The following RARB variants were observed in gnomAD, a reference collection of about 807,000 sequenced individuals.
RARB encodes the protein retinoic acid receptor beta.
Under a neutral mutation model 51.9 loss-of-function variants are expected in RARB, and 17 were observed. The observed-to-expected ratio is 0.33, with a 90% confidence interval of 0.22 to 0.49. The LOEUF is 0.49. RARB is among the 20% of genes least tolerant of loss of function. RARB has a pLI of 0.99. For missense variants in RARB, 369 were observed against 550.8 expected, an observed-to-expected ratio of 0.67 and a Z score of 3.30; for synonymous variants, 215 against 195.4, an observed-to-expected ratio of 1.10 and a Z score of -0.84.
chr3:25,441,983 A>C (rs1017898297), intron 1 of RARB, among the ~76,000 whole-genome samples: 1 of 152,216 alleles, frequency 6.6e-6, no homozygotes, highest in Non-Finnish European at 1.5e-5. Context: ...ACTTCCTACA[A>C]TGAAGTTTCC....
chr3:25,403,813 A>G (rs1464113442), intron 5 of RARB, among the ~76,000 whole-genome samples: 1 of 134,692 alleles, frequency 7.4e-6, no homozygotes, highest in Admixed American at 8.6e-5. Flanking sequence ...TTTTTCTTTT[A>G]TGAAATTGGC....
At chr3:25,002,709 A>T (rs1418740438) in intron 2 of RARB, among the ~76,000 whole-genome samples, 1 of 150,812 alleles carries the variant, frequency 6.6e-6, no homozygotes, top group Non-Finnish European at 1.5e-5. Context: ...ATACACATAA[A>T]TCTATATATG....
intron 5 of RARB, among the ~76,000 whole-genome samples, chr3:25,289,254 G>A (rs1703727492): frequency 6.6e-6 from 1 of 152,164 alleles, no homozygotes; most frequent in African/African-American, 2.4e-5. Context: ...CTCCCTCACG[G>A]GGATGCTGTG....
intron 3 of RARB, among the ~76,000 whole-genome samples, chr3:25,542,485 A>G (rs936162340): frequency 1.3e-5 from 2 of 152,166 alleles, no homozygotes; most frequent in Admixed American, 6.5e-5. Context: ...CCTCCCAATC[A>G]ACCAAACTGT....
At chr3:25,473,206 G>T (rs1695784515) in intron 2 of RARB, among the ~76,000 whole-genome samples, 1 of 151,778 alleles carries the variant, frequency 6.6e-6, no homozygotes, top group Non-Finnish European at 1.5e-5. Context: ...TGTTGTTATT[G>T]AGTATTTTTC....
chr3:24,841,370 G>A (rs1414711718), intron 1 of RARB, among the ~76,000 whole-genome samples: 1 of 152,202 alleles, frequency 6.6e-6, no homozygotes, highest in Non-Finnish European at 1.5e-5. Context: ...CCATGTGCTT[G>A]TAATTGGTCA....
At chr3:25,305,094 T>C (rs1374781097) in intron 5 of RARB, among the ~76,000 whole-genome samples, 1 of 152,148 alleles carries the variant, frequency 6.6e-6, no homozygotes, top group Non-Finnish European at 1.5e-5. Context: ...GAGCCCATCC[T>C]CTACACCACT....
At chr3:25,403,290 A>G (rs1221493641) in intron 5 of RARB, among the ~76,000 whole-genome samples, 1 of 152,200 alleles carries the variant, frequency 6.6e-6, no homozygotes, top group Non-Finnish European at 1.5e-5. Context: ...ACTAATGATA[A>G]ATGCTTGAGG....
At chr3:25,079,146 C>T (rs979068918) in intron 3 of RARB, among the ~76,000 whole-genome samples, 3 of 151,488 alleles carry the variant, frequency 2.0e-5, no homozygotes, top group Admixed American at 1.3e-4. Flanking sequence ...ATTTTTTGTT[C>T]TTGTCAACAG....
intron 5 of RARB, among the ~76,000 whole-genome samples, chr3:25,581,685 G>A (rs925829648): frequency 3.3e-5 from 5 of 152,142 alleles, no homozygotes; most frequent in South Asian, 2.1e-4. Context: ...GTCTTTGGGC[G>A]GGGGCGATTA....
rs1316896469 is a variant in RARB at position 25,428,655 on chromosome 3, G to A, written c.-77G>A. 1.3e-6 allele frequency: 2 copies of A among 1,510,780 alleles called. No homozygotes were observed. Among genetic ancestry groups the A allele is most frequent in the Non-Finnish European group, 1.8e-6 (2 of 1,117,530 alleles). 93.6% of individuals were successfully genotyped at this position (1,510,780 alleles called of 1,614,324 possible). On this transcript the variant is annotated 5_prime_UTR_variant, in exon 1 of 8. Coordinates refer to ENST00000330688, the MANE Select transcript of RARB (RefSeq NM_000965.5). The stretch of plus-strand genomic sequence containing the variant: ...AAAAGGGGCAGAGTTTGATGGAGTT[G>A]GGTGGACTTTTCTATGCCATTTGCC...
chr3:25,174,851 C>T (rs1460347042), intron 5 of RARB, among the ~76,000 whole-genome samples: 1 of 152,154 alleles, frequency 6.6e-6, no homozygotes, highest in East Asian at 1.9e-4. Context: ...TGGTTAATAT[C>T]TGTGATCAAT....
intron 4 of RARB, among the ~76,000 whole-genome samples, chr3:25,159,924 G>T (rs958812390): frequency 6.6e-6 from 1 of 152,016 alleles, no homozygotes; most frequent in Admixed American, 6.6e-5. Context: ...TTTATTTTGG[G>T]GGAAGAGAAA....
intron 5 of RARB, among the ~76,000 whole-genome samples, chr3:25,294,619 G>A (rs145984390): frequency 2.1e-3 from 325 of 152,206 alleles, no homozygotes; most frequent in Non-Finnish European, 3.7e-3. Context: ...GACAGTGGGA[G>A]CTAAAACCAC....
intron 3 of RARB, among the ~76,000 whole-genome samples, chr3:25,087,064 G>A (rs1028876530): frequency 6.6e-6 from 1 of 152,100 alleles, no homozygotes; most frequent in African/African-American, 2.4e-5. Flanking sequence ...ATGCATTTTG[G>A]GGTAATATAA....
intron 4 of RARB, among the ~76,000 whole-genome samples, chr3:25,154,306 T>A (rs1375581030): frequency 6.6e-6 from 1 of 152,360 alleles, no homozygotes; most frequent in South Asian, 2.1e-4. Context: ...CTTAGCTTGC[T>A]GAAGGGTACC....
Position 25,281,486 on chromosome 3 carries a change from G to A in RARB, c.178+106911G>A, listed in dbSNP as rs139422918. 2.0e-3 allele frequency among the ~76,000 whole-genome samples: 309 copies of A among 152,264 alleles called. 7 individuals carry two copies. The East Asian group carries it at 0.037, about 18-fold the overall frequency. Reference sequence around the variant, plus strand: ...GTGCCATTATCTCCTATTCTCTTACGGGTGAACCACTTAACCTGTGCTTAA... The same window carrying A: ...GTGCCATTATCTCCTATTCTCTTACAGGTGAACCACTTAACCTGTGCTTAA... On this transcript the variant is annotated intron_variant, in intron 5 of 11. Coordinates refer to the RARB transcript ENST00000383772.
In RARB at chr3:25,481,205, A is replaced by T. The variant is rs1696206600; in HGVS notation, c.306+19864A>T. ...AAATATTAGGAAAGAACATTAAGTCAATCTCTTGCATATTTTAAATCTATT... is the reference window on the plus strand; with the variant it reads ...AAATATTAGGAAAGAACATTAAGTCTATCTCTTGCATATTTTAAATCTATT... On this transcript the variant is annotated intron_variant, in intron 2 of 7. Coordinates refer to ENST00000330688, the MANE Select transcript of RARB (RefSeq NM_000965.5). Among the ~76,000 whole-genome samples, 5 of 152,194 alleles carry T rather than the reference A, an allele frequency of 3.3e-5. 1 individual carries two copies. The South Asian group carries it at 1.0e-3, about 31-fold the overall frequency.
At chr3:25,398,202 C>T (rs1410029826) in intron 5 of RARB, among the ~76,000 whole-genome samples, 2 of 152,062 alleles carry the variant, frequency 1.3e-5, no homozygotes, top group East Asian at 3.9e-4. Flanking sequence ...CTTTCCCATC[C>T]CTCTGAGAAC....
Sources: gnomAD v4.1 joint callset for allele counts (sites outside exome capture counted in the v4.1 genomes callset) on GRCh38, gnomAD v4.1.1 for gene constraint, MANE v1.5 for transcripts, NCBI Gene and HGNC (gene_info 2026-07-23, HGNC 2026-07-21) for gene names.